Variants in PTPN3 observed in about 807,000 individuals in gnomAD.
PTPN3 encodes protein tyrosine phosphatase non-receptor type 3, also known as tyrosine-protein phosphatase non-receptor type 3.
In PTPN3, 96 loss-of-function variants were observed where a neutral mutation model predicts 132.7. The observed-to-expected ratio is 0.72, with a 90% CI of 0.61 to 0.86. PTPN3 has a LOEUF of 0.86. Among genes scored for constraint, PTPN3 ranks in the 40% least tolerant of loss-of-function variants. The pLI, the probability that PTPN3 is intolerant of heterozygous loss-of-function variation, is 0.00. For missense variants in PTPN3, 1,125 were observed against 1,159.6 expected, an observed-to-expected ratio of 0.97 and a Z score of 0.43; for synonymous variants, 398 against 429.0, an observed-to-expected ratio of 0.93 and a Z score of 0.89.
intron 18 of PTPN3, among the ~76,000 whole-genome samples, chr9:109,405,218 A>AC (rs910675968): frequency 4.6e-5 from 7 of 151,650 alleles, no homozygotes; most frequent in East Asian, 1.9e-4. Context: ...AGCTAGGACC[A>AC]CCCCCCCACA....
chr9:109,530,716 C>T, the PTPN3 span, among the ~76,000 whole-genome samples: 1 of 152,154 alleles, frequency 6.6e-6, no homozygotes, highest in Non-Finnish European at 1.5e-5. Context: ...CATCCTTTTC[C>T]TAACATATGT....
At position 109,427,014 on chromosome 9, in the gene PTPN3, G is replaced by C. The variant is rs374798614; in HGVS notation, c.937C>G (p.Leu313Val). ...EHHTFFQAKK[L>V]LPQEKNVLSQ... ...AGAACATTCTTTTCCTGAGGTAGTA[G>C]CTTCTTTGCCTGAAAGAACGTATGG... is the stretch of plus-strand genomic sequence containing the variant. Residue 313 changes from leucine (L) to valine (V), a missense_variant, in exon 12 of 26, where the codon CTA (leucine) becomes GTA (valine). Leu to Val is a conservative substitution (Grantham distance 32, BLOSUM62 1). Coordinates refer to ENST00000374541, the MANE Select transcript of PTPN3 (RefSeq NM_002829.4). 4 of 1,613,734 alleles carry C rather than the reference G, an allele frequency of 2.5e-6. No homozygotes were observed. The highest frequency in any genetic ancestry group is 2.7e-5 in the African/African-American group (2 of 75,024).
chr9:109,536,328 T>C, the PTPN3 span, among the ~76,000 whole-genome samples: 1 of 152,232 alleles, frequency 6.6e-6, no homozygotes, highest in South Asian at 2.1e-4. Context: ...TGCATATCCA[T>C]GTATACCGAT....
chr9:109,502,625 G>A (rs1847875686), upstream of PTPN3, among the ~76,000 whole-genome samples: 1 of 152,062 alleles, frequency 6.6e-6, no homozygotes, highest in African/African-American at 2.4e-5. Context: ...GTGAGACCCT[G>A]TCTCTACAAA....
chr9:109,474,966 A>G (rs944237860), intron 1 of PTPN3, among the ~76,000 whole-genome samples: 3 of 152,198 alleles, frequency 2.0e-5, no homozygotes, highest in Non-Finnish European at 4.4e-5. Flanking sequence ...GTGTATGCAA[A>G]TTAACTTGCA....
chr9:109,521,807 T>C, the PTPN3 span, among the ~76,000 whole-genome samples: 1 of 152,250 alleles, frequency 6.6e-6, no homozygotes, highest in African/African-American at 2.4e-5. Context: ...CTTGTGTTCA[T>C]CCTTTTATTT....
chr9:109,375,737 T>C lies in PTPN3; in HGVS notation c.*3819A>G, dbSNP rs1838505301. ...AACATTTTTATATTGATTAAATTGT[T>C]TTTCAGTAGAATCACTGACAGAACA... On this transcript the variant is annotated 3_prime_UTR_variant, in exon 26 of 26. Transcript: ENST00000374541. 6.6e-6 allele frequency: 1 copy of C among 152,268 alleles called. No individual in the cohort carries two copies. The highest frequency in any genetic ancestry group is 1.9e-4 in the East Asian group (1 of 5,206). 9.4% of individuals were successfully genotyped at this position (152,268 alleles called of 1,614,324 possible). A position where few individuals can be genotyped will look rare whatever the true frequency, so the allele number is the denominator to read the frequency against.
At chr9:109,467,271 T>A (rs1454850304) in intron 1 of PTPN3, among the ~76,000 whole-genome samples, 2 of 152,202 alleles carry the variant, frequency 1.3e-5, no homozygotes, top group Non-Finnish European at 2.9e-5. Context: ...GGTTACATTT[T>A]TTTTTTTCAA....
At chr9:109,470,930 A>G (rs540365671) in intron 1 of PTPN3, among the ~76,000 whole-genome samples, 1 of 151,726 alleles carries the variant, frequency 6.6e-6, no homozygotes, top group Non-Finnish European at 1.5e-5. Flanking sequence ...TTGGTTCAGT[A>G]AGGGCCCAGG....
chr9:109,532,586 A>T, the PTPN3 span, among the ~76,000 whole-genome samples: 17 of 138,038 alleles, frequency 1.2e-4, no homozygotes, highest in South Asian at 4.0e-3. Flanking sequence ...ACAGGCTTTA[A>T]AAAAAAAAAG....
intron 22 of PTPN3, among the ~76,000 whole-genome samples, chr9:109,388,236 T>C (rs3793566): frequency 0.24 from 37,036 of 151,924 alleles, 4,823 homozygotes; most frequent in Non-Finnish European, 0.28. Context: ...GCCTTCAGGA[T>C]AAAGGGCTGA....
chr9:109,470,210 T>C (rs1846308242), intron 1 of PTPN3, among the ~76,000 whole-genome samples: 1 of 152,208 alleles, frequency 6.6e-6, no homozygotes, highest in Non-Finnish European at 1.5e-5. Flanking sequence ...TGCAGACACA[T>C]GCTTCATTCA....
chr9:109,409,906 G>T, intron 16 of PTPN3, 93 bp downstream of exon 16: 1 of 1,518,024 alleles, frequency 6.6e-7, no homozygotes, highest in Non-Finnish European at 8.9e-7. Context: ...TCCTTATGTA[G>T]CTCAGGAATG....
chr9:109,381,819 T>G (rs1318753861), intron 24 of PTPN3, 32 bp from the exon 25 acceptor site: 2 of 1,613,622 alleles, frequency 1.2e-6, no homozygotes, highest in Non-Finnish European at 1.7e-6. Context: ...GACTTGGGAT[T>G]TGTCTGAGTA....
chr9:109,522,315 G>T, the PTPN3 span, among the ~76,000 whole-genome samples: 1 of 152,162 alleles, frequency 6.6e-6, no homozygotes, highest in Non-Finnish European at 1.5e-5. Flanking sequence ...CCAAAAGTGT[G>T]GGCCCCTCAC....
rs1422644975 is a variant in PTPN3, at chr9:109,377,457, C to CACACAA, written c.*2098_*2099insTTGTGT. Reference sequence around the variant, plus strand: ...ACACACACACACACACACACACACACAAGCCAGGTGAGGTGGCATGTGCCT... The same window carrying CACACAA: ...ACACACACACACACACACACACACACACACAAAAGCCAGGTGAGGTGGCATGTGCCT... On this transcript the variant is annotated 3_prime_UTR_variant, in exon 26 of 26. Transcript: ENST00000374541. 6.9e-5 allele frequency: 9 copies of CACACAA among 131,152 alleles called. No homozygotes were observed. Among genetic ancestry groups the CACACAA allele is most frequent in the Non-Finnish European group, 1.1e-4 (7 of 62,798 alleles). The allele number at this position is 131,152 out of a possible 1,614,324, so 8.1% of individuals were successfully genotyped here.
At chr9:109,506,607 C>CTT in the PTPN3 span, among the ~76,000 whole-genome samples, 1 of 131,792 alleles carries the variant, frequency 7.6e-6, no homozygotes, top group African/African-American at 2.9e-5. Flanking sequence ...TTCTTTCTTT[C>CTT]TTTTTTTTTT....
chr9:109,408,795 AAATATATAT>A (rs1564404143), intron 16 of PTPN3, among the ~76,000 whole-genome samples: 1 of 85,558 alleles, frequency 1.2e-5, no homozygotes, highest in Non-Finnish European at 2.3e-5. Flanking sequence ...AAAAAAAAAA[AAATATATAT>A]ATATATATAT....
At chr9:109,423,985 G>A (rs1168753588) in intron 12 of PTPN3, among the ~76,000 whole-genome samples, 1 of 152,182 alleles carries the variant, frequency 6.6e-6, no homozygotes. Context: ...TTGTCACCCT[G>A]ATCAAAATGC....
Sources: allele counts gnomAD v4.1 joint callset (sites outside exome capture counted in the v4.1 genomes callset), GRCh38; gene constraint gnomAD v4.1.1; transcripts MANE v1.5; gene names NCBI Gene and HGNC (gene_info 2026-07-23, HGNC 2026-07-21).